The following ADGRB3 variants were observed in gnomAD, a reference collection of about 807,000 sequenced individuals.
ADGRB3 encodes the protein brain-specific angiogenesis inhibitor 3.
Under a neutral mutation model 193.4 loss-of-function variants are expected in ADGRB3, and 37 were observed. The ratio of observed to expected loss-of-function variants is 0.19; its 90% CI spans 0.15 to 0.25. ADGRB3 has a LOEUF of 0.25. Ranked by LOEUF, ADGRB3 falls within the 10% of genes least tolerant of loss-of-function variation. The probability of loss-of-function intolerance (pLI) is 1.00; values close to 1 mark genes in which losing one functional copy is unlikely to be tolerated. For synonymous variants in ADGRB3, 690 were observed against 644.2 expected, an observed-to-expected ratio of 1.07 and a Z score of -1.08; for missense variants, 1,637 against 1,852.9, an observed-to-expected ratio of 0.88 and a Z score of 2.14.
chr6:68,742,017 A>G (rs972192704), intron 3 of ADGRB3, among the ~76,000 whole-genome samples: 6 of 152,342 alleles, frequency 3.9e-5, no homozygotes, highest in Admixed American at 1.3e-4. Context: ...GAATGTTCAT[A>G]TATCTTTTGT....
At chr6:69,360,731 A>G (rs1004758493) in intron 28 of ADGRB3, 138 bp from the exon 29 acceptor site, 3 of 839,258 alleles carry the variant, frequency 3.6e-6, no homozygotes, top group Admixed American at 6.3e-5. Flanking sequence ...AAACAAATTG[A>G]TATGTATTTT....
intron 24 of ADGRB3, among the ~76,000 whole-genome samples, chr6:69,333,518 T>C (rs756400524): frequency 1.3e-5 from 2 of 152,156 alleles, no homozygotes; most frequent in Non-Finnish European, 2.9e-5. Context: ...TTTCATTCTT[T>C]ATGACATTTT....
At chr6:69,011,641 G>A (rs1769940265) in intron 11 of ADGRB3, among the ~76,000 whole-genome samples, 1 of 151,588 alleles carries the variant, frequency 6.6e-6, no homozygotes, top group African/African-American at 2.4e-5. Flanking sequence ...AATTAAAGTT[G>A]GAAAAATAAA....
At chr6:69,286,832 G>A (rs1767562975) in intron 20 of ADGRB3, among the ~76,000 whole-genome samples, 1 of 152,166 alleles carries the variant, frequency 6.6e-6, no homozygotes. Context: ...TTCTTCACAT[G>A]CTATTGAGAA....
At chr6:68,937,323 G>A (rs190042074) in intron 5 of ADGRB3, among the ~76,000 whole-genome samples, 1 of 151,962 alleles carries the variant, frequency 6.6e-6, no homozygotes, top group African/African-American at 2.4e-5. Context: ...TCACAATTTT[G>A]TTCTTCAGTT....
intron 17 of ADGRB3, among the ~76,000 whole-genome samples, chr6:69,215,009 A>G (rs1340832792): frequency 6.6e-6 from 1 of 152,104 alleles, no homozygotes; most frequent in East Asian, 1.9e-4. Flanking sequence ...TTGGGAAAAC[A>G]CATGCCGACC....
chr6:69,107,563 A>G (rs543323083), intron 17 of ADGRB3, among the ~76,000 whole-genome samples: 27 of 152,220 alleles, frequency 1.8e-4, no homozygotes, highest in Non-Finnish European at 3.1e-4. Context: ...CAAGTTAGAC[A>G]TGTATTTTTA....
intron 26 of ADGRB3, among the ~76,000 whole-genome samples, chr6:69,349,485 C>G (rs926859735): frequency 1.4e-5 from 2 of 140,982 alleles, no homozygotes; most frequent in African/African-American, 2.5e-5. Context: ...ACTTTGCTAT[C>G]AGCAAAGTCA....
At chr6:68,817,822 T>G (rs1188362815) in intron 3 of ADGRB3, among the ~76,000 whole-genome samples, 1 of 152,090 alleles carries the variant, frequency 6.6e-6, no homozygotes, top group Non-Finnish European at 1.5e-5. Flanking sequence ...ACTTGTATGG[T>G]AGAATTTTGA....
intron 3 of ADGRB3, among the ~76,000 whole-genome samples, chr6:68,843,390 T>A (rs943384178): frequency 2.6e-5 from 4 of 151,752 alleles, no homozygotes; most frequent in African/African-American, 7.3e-5. Context: ...CAACAAACAA[T>A]CTGAAAAAGA....
chr6:69,329,542 A>G (rs916058816), intron 22 of ADGRB3, among the ~76,000 whole-genome samples: 2 of 152,256 alleles, frequency 1.3e-5, no homozygotes, highest in Non-Finnish European at 2.9e-5. Flanking sequence ...TGTAACCACC[A>G]TCACAATTAA....
chr6:69,283,632 G>A (rs976957480), intron 20 of ADGRB3, among the ~76,000 whole-genome samples: 5 of 151,410 alleles, frequency 3.3e-5, no homozygotes, highest in African/African-American at 1.2e-4. Context: ...TAGCACATTG[G>A]TTGGCTTATG....
At chr6:69,252,685 T>G (rs1034736124) in intron 20 of ADGRB3, among the ~76,000 whole-genome samples, 5 of 152,108 alleles carry the variant, frequency 3.3e-5, no homozygotes, top group Admixed American at 3.3e-4. Context: ...TTCTCTCTTT[T>G]TTATTTAGAT....
At chr6:68,851,913 C>G (rs1768410656) in intron 3 of ADGRB3, among the ~76,000 whole-genome samples, 1 of 151,754 alleles carries the variant, frequency 6.6e-6, no homozygotes, top group Non-Finnish European at 1.5e-5. Flanking sequence ...TTCTGATATT[C>G]TTGACTGATT....
At chr6:69,001,929 AAT>A (rs1769590456) in intron 11 of ADGRB3, among the ~76,000 whole-genome samples, 3 of 152,314 alleles carry the variant, frequency 2.0e-5, no homozygotes, top group African/African-American at 7.2e-5. Flanking sequence ...CACTCTGTGT[AAT>A]AATACACTCT....
intron 5 of ADGRB3, 87 bp downstream of exon 5, chr6:68,936,767 C>T (rs918951153): frequency 7.7e-5 from 106 of 1,371,000 alleles, no homozygotes; most frequent in Middle Eastern, 2.6e-4. Context: ...TCATATGAAA[C>T]GGGTATAGGC....
chr6:68,638,892 T>C lies in ADGRB3; in HGVS notation c.217T>C (p.Phe73Leu). Residue 73 changes from phenylalanine to leucine, a missense_variant, in exon 3 of 32, where the codon TTT becomes CTT. Physicochemically the swap from Phe to Leu is conservative, Grantham distance 22 (BLOSUM62 0). This residue lies in a region of ADGRB3 where 365 missense variants were observed against 409.8 expected (regional missense o/e 0.89). Transcript: ENST00000370598. ...DPTKYSIYLK[F>L]SKKDLSCSNF... ...AACCAAATATAGCATTTACCTGAAA[T>C]TTTCCAAAAAGGACCTTAGCTGCTC... The C allele has an allele frequency of 6.2e-7, 1 of 1,614,116 alleles. No homozygotes were observed. Among genetic ancestry groups the C allele is most frequent in the Non-Finnish European group, 8.5e-7 (1 of 1,180,014 alleles).
intron 20 of ADGRB3, among the ~76,000 whole-genome samples, chr6:69,297,368 T>TCTCTCTC (rs1767846054): frequency 9.2e-5 from 9 of 97,602 alleles, no homozygotes; most frequent in South Asian, 7.6e-4. Context: ...CTCTCTCTCT[T>TCTCTCTC]TCTCTCTCTC....
intron 16 of ADGRB3, among the ~76,000 whole-genome samples, chr6:69,066,954 T>C (rs1771928261): frequency 6.6e-6 from 1 of 152,150 alleles, no homozygotes. Context: ...CTGGGCCTAC[T>C]GTGACTTTCC....
Sources: allele counts gnomAD v4.1 joint callset (sites outside exome capture counted in the v4.1 genomes callset), GRCh38; gene constraint gnomAD v4.1.1; regional missense constraint gnomAD v4.1.1; transcripts MANE v1.5; gene names NCBI Gene and HGNC (gene_info 2026-07-23, HGNC 2026-07-21).